The following ZBTB7C variants were observed in gnomAD, a reference collection of about 807,000 sequenced individuals.
ZBTB7C encodes the protein zinc finger and BTB domain containing 7C.
In ZBTB7C, 8 loss-of-function variants were observed where a neutral mutation model predicts 25.7. The ratio of observed to expected loss-of-function variants is 0.31; its 90% CI spans 0.18 to 0.56. The LOEUF (loss-of-function observed/expected upper bound fraction) is 0.56. ZBTB7C is among the 20% of genes least tolerant of loss of function. The pLI is 0.91. For missense variants in ZBTB7C, 824 were observed against 855.2 expected, an observed-to-expected ratio of 0.96 and a Z score of 0.46; for synonymous variants, 394 against 369.0, an observed-to-expected ratio of 1.07 and a Z score of -0.78.
At chr18:48,059,184 G>A (rs75215008) in intron 3 of ZBTB7C, among the ~76,000 whole-genome samples, 7,490 of 152,056 alleles carry the variant, frequency 0.049, 264 homozygotes, top group Non-Finnish European at 0.065. Flanking sequence ...TTTGGCCTTT[G>A]TCCATTTATT....
intron 2 of ZBTB7C, among the ~76,000 whole-genome samples, chr18:48,222,114 C>T (rs991426338): frequency 6.6e-6 from 1 of 152,122 alleles, no homozygotes; most frequent in African/African-American, 2.4e-5. Flanking sequence ...CCTAATCTCC[C>T]CTCTATACTG....
At chr18:48,172,599 A>G (rs1195173207) in intron 3 of ZBTB7C, among the ~76,000 whole-genome samples, 2 of 152,228 alleles carry the variant, frequency 1.3e-5, no homozygotes, top group Non-Finnish European at 2.9e-5. Context: ...TATTTTTCCC[A>G]AACACTTGAC....
intron 1 of ZBTB7C, among the ~76,000 whole-genome samples, chr18:48,372,058 C>T (rs984561638): frequency 6.6e-6 from 1 of 152,208 alleles, no homozygotes; most frequent in African/African-American, 2.4e-5. Flanking sequence ...CGTCAACAGG[C>T]CCTTCACTGA....
intron 3 of ZBTB7C, among the ~76,000 whole-genome samples, chr18:48,184,913 C>T (rs1396647168): frequency 1.3e-5 from 2 of 152,104 alleles, no homozygotes; most frequent in Non-Finnish European, 2.9e-5. Context: ...ATAATCTACT[C>T]AGTGTATAGA....
chr18:48,197,299 T>G (rs1194899192), intron 2 of ZBTB7C, among the ~76,000 whole-genome samples: 1 of 152,184 alleles, frequency 6.6e-6, no homozygotes, highest in African/African-American at 2.4e-5. Context: ...AGTCAATAAA[T>G]TACTTTTATT....
chr18:48,383,529 G>C (rs900825492), intron 1 of ZBTB7C, among the ~76,000 whole-genome samples: 2 of 152,200 alleles, frequency 1.3e-5, no homozygotes, highest in Non-Finnish European at 2.9e-5. Context: ...GCCTCCCAAA[G>C]TGCTGGGATT....
chr18:48,179,473 T>G (rs1337462433), intron 3 of ZBTB7C, among the ~76,000 whole-genome samples: 2 of 152,038 alleles, frequency 1.3e-5, no homozygotes, highest in Admixed American at 6.6e-5. Context: ...CTGGGTGGGC[T>G]TCCCAGGGCT....
At chr18:48,144,460 C>T (rs1474464339) in intron 3 of ZBTB7C, among the ~76,000 whole-genome samples, 1 of 152,054 alleles carries the variant, frequency 6.6e-6, no homozygotes, top group Non-Finnish European at 1.5e-5. Context: ...CCTCCCACCT[C>T]AGCCTCCCAA....
At chr18:48,274,843 C>CGGGG (rs1277544422) in intron 2 of ZBTB7C, among the ~76,000 whole-genome samples, 1 of 152,156 alleles carries the variant, frequency 6.6e-6, no homozygotes, top group African/African-American at 2.4e-5. Flanking sequence ...GCTCTCATGT[C>CGGGG]GGGGGTGTCT....
chr18:48,188,681 A>T (rs1213555947), intron 2 of ZBTB7C, among the ~76,000 whole-genome samples: 4 of 152,072 alleles, frequency 2.6e-5, no homozygotes, highest in Non-Finnish European at 5.9e-5. Flanking sequence ...AAGTCCAAAC[A>T]CCATCACCTT....
At chr18:48,163,112 G>A (rs766052867) in intron 3 of ZBTB7C, among the ~76,000 whole-genome samples, 8 of 152,208 alleles carry the variant, frequency 5.3e-5, no homozygotes, top group Admixed American at 3.3e-4. Context: ...AATGACTGAT[G>A]TCAGCATCTG....
intron 2 of ZBTB7C, among the ~76,000 whole-genome samples, chr18:48,312,447 T>A (rs1212078800): frequency 6.6e-6 from 1 of 152,204 alleles, no homozygotes; most frequent in Admixed American, 6.5e-5. Flanking sequence ...TAAAGACTCT[T>A]CTGTCATGGT....
intron 3 of ZBTB7C, among the ~76,000 whole-genome samples, chr18:48,178,016 C>A (rs567341794): frequency 1.3e-5 from 2 of 151,814 alleles, no homozygotes; most frequent in African/African-American, 4.8e-5. Flanking sequence ...GCAGCCCCTC[C>A]CTCTCCTTGC....
At chr18:48,050,477 G>T (rs941972278) in intron 3 of ZBTB7C, among the ~76,000 whole-genome samples, 5 of 152,202 alleles carry the variant, frequency 3.3e-5, no homozygotes, top group Non-Finnish European at 7.3e-5. Flanking sequence ...CACGCCTAGA[G>T]CCCGCAGTCC....
intron 3 of ZBTB7C, among the ~76,000 whole-genome samples, chr18:48,136,072 C>G (rs1002298328): frequency 1.6e-4 from 25 of 151,952 alleles, no homozygotes; most frequent in Non-Finnish European, 3.1e-4. Context: ...ATGCTCCGCG[C>G]GGGGTGGGCG....
chr18:48,235,173 A>G (rs535211329), intron 2 of ZBTB7C, among the ~76,000 whole-genome samples: 1 of 152,276 alleles, frequency 6.6e-6, no homozygotes, highest in East Asian at 1.9e-4. Flanking sequence ...TATTGTAATG[A>G]CTAATAGAGA....
At chr18:48,077,651 C>T (rs1483287103) in intron 3 of ZBTB7C, among the ~76,000 whole-genome samples, 1 of 152,174 alleles carries the variant, frequency 6.6e-6, no homozygotes, top group African/African-American at 2.4e-5. Flanking sequence ...CACAGATGCA[C>T]ACGTGGAAGT....
At chr18:48,406,868 G>T (rs182048331) in intron 1 of ZBTB7C, among the ~76,000 whole-genome samples, 38 of 152,326 alleles carry the variant, frequency 2.5e-4, no homozygotes, top group African/African-American at 8.7e-4. Context: ...TCGCCCTAGA[G>T]TATTATGGTT....
At chr18:48,031,207 C>T (rs1373793062) in intron 4 of ZBTB7C, among the ~76,000 whole-genome samples, 1 of 152,186 alleles carries the variant, frequency 6.6e-6, no homozygotes, top group Non-Finnish European at 1.5e-5. Flanking sequence ...CACCAGCTCT[C>T]ATTTTCAAAA....
Sources: allele counts gnomAD v4.1 joint callset (sites outside exome capture counted in the v4.1 genomes callset), GRCh38; gene constraint gnomAD v4.1.1; transcripts MANE v1.5; gene names NCBI Gene and HGNC (gene_info 2026-07-23, HGNC 2026-07-21).